Variants in FAM3C observed in about 807,000 individuals in gnomAD.
FAM3C encodes protein FAM3C.
FAM3C carries 15 observed loss-of-function variants against 32.5 expected under a neutral mutation model. The ratio of observed to expected loss-of-function variants is 0.46; its 90% CI spans 0.31 to 0.71. The LOEUF (loss-of-function observed/expected upper bound fraction) is 0.71. Among genes scored for constraint, FAM3C ranks in the 30% least tolerant of loss-of-function variants. FAM3C has a pLI of 0.05. For missense variants in FAM3C, 175 were observed against 274.4 expected (o/e 0.64, Z 2.56); for synonymous variants, 75 against 86.1 (o/e 0.87, Z 0.72).
intron 1 of FAM3C, among the ~76,000 whole-genome samples, chr7:121,386,226 C>G (rs1255012148): frequency 6.6e-6 from 1 of 152,092 alleles, no homozygotes; most frequent in Non-Finnish European, 1.5e-5. Flanking sequence ...TATTAACAAA[C>G]AGCACTTAAT....
At chr7:121,369,272 C>T (rs958570214) in intron 5 of FAM3C, among the ~76,000 whole-genome samples, 1 of 152,118 alleles carries the variant, frequency 6.6e-6, no homozygotes, top group Non-Finnish European at 1.5e-5. Flanking sequence ...TGAGCCACCA[C>T]GCCCAGCCTG....
At chr7:121,359,456 C>A (rs564737746) in intron 8 of FAM3C, among the ~76,000 whole-genome samples, 1 of 151,936 alleles carries the variant, frequency 6.6e-6, no homozygotes, top group South Asian at 2.1e-4. Context: ...ATATTTAATG[C>A]CAAAAAATGT....
At chr7:121,371,153 A>G (rs1794136474) in intron 5 of FAM3C, 147 bp downstream of exon 5, 2 of 934,472 alleles carry the variant, frequency 2.1e-6, no homozygotes, top group South Asian at 3.4e-5. Flanking sequence ...CCTTGAATTC[A>G]TGAGAAAAAA....
Position 121,360,114 on chromosome 7 carries a change from A to G in FAM3C, c.396T>C (p.Phe132=). The change falls in exon 8 of 10, where the codon TTT becomes TTC. Residue 132 remains phenylalanine (F), a synonymous_variant. Coordinates refer to ENST00000359943, the MANE Select transcript of FAM3C (RefSeq NM_014888.3). ...FDMWGGDVAP[F]IEFLKAIQDG... ...CTTGTATGGCCTTCAGAAACTCAATAAATGGTGCCACATCTGAAGAAAAAG... is the reference window on the plus strand; with the variant it reads ...CTTGTATGGCCTTCAGAAACTCAATGAATGGTGCCACATCTGAAGAAAAAG... 1.3e-6 allele frequency: 2 copies of G among 1,590,414 alleles called. No individual in the cohort carries two copies.
intron 8 of FAM3C, among the ~76,000 whole-genome samples, chr7:121,354,838 A>G (rs1215106453): frequency 6.6e-6 from 1 of 152,224 alleles, no homozygotes; most frequent in Non-Finnish European, 1.5e-5. Context: ...GAAAAACTCT[A>G]TAATTTTCAC....
intron 7 of FAM3C, 69 bp from the exon 8 acceptor site, chr7:121,360,196 T>C (rs553208299): frequency 2.5e-6 from 2 of 815,370 alleles, no homozygotes; most frequent in South Asian, 1.4e-5. Context: ...TCTCTGAAAG[T>C]AGTATTATAA....
At chr7:121,391,016 G>A (rs1794568928) in intron 1 of FAM3C, among the ~76,000 whole-genome samples, 1 of 152,126 alleles carries the variant, frequency 6.6e-6, no homozygotes, top group African/African-American at 2.4e-5. Flanking sequence ...AAAATGTGGT[G>A]AGGAATAAAT....
chr7:121,377,036 C>T (rs1438841906), intron 3 of FAM3C, among the ~76,000 whole-genome samples: 2 of 151,970 alleles, frequency 1.3e-5, no homozygotes, highest in Admixed American at 6.6e-5. Flanking sequence ...AAATGTAGTC[C>T]CATAATCCCT....
chr7:121,395,270 GATAC>G (rs565268708), intron 1 of FAM3C, among the ~76,000 whole-genome samples: 2 of 137,070 alleles, frequency 1.5e-5, no homozygotes, highest in Admixed American at 1.4e-4. Flanking sequence ...CATATATATG[GATAC>G]ATACATATAT....
rs1460566441 is a variant in FAM3C at position 121,348,990 on chromosome 7, A to G, written c.*1471T>C. ...AAGTATTTTAAATGTCAAAATACAC[A>G]TGCTGAATGTGATTTAGCATATAAG... On this transcript the variant is annotated 3_prime_UTR_variant, in exon 10 of 10. Transcript: ENST00000359943. 1 of 152,370 alleles carries G rather than the reference A, an allele frequency of 6.6e-6. No homozygotes were observed. Among genetic ancestry groups the G allele is most frequent in the Non-Finnish European group, 1.5e-5 (1 of 67,930 alleles). The allele number at this position is 152,370 out of a possible 1,614,324, so 9.4% of individuals were successfully genotyped here.
intron 5 of FAM3C, among the ~76,000 whole-genome samples, chr7:121,365,680 A>G (rs900673149): frequency 1.3e-5 from 2 of 152,174 alleles, no homozygotes; most frequent in Non-Finnish European, 1.5e-5. Flanking sequence ...ATTATAATAA[A>G]TGAAAATAGT....
intron 2 of FAM3C, among the ~76,000 whole-genome samples, chr7:121,382,544 T>C (rs1794378532): frequency 7.8e-6 from 1 of 128,272 alleles, no homozygotes; most frequent in Non-Finnish European, 1.6e-5. Flanking sequence ...ATATACAGTC[T>C]TTAGGTTTTT....
At chr7:121,377,286 CT>C (rs1794258362) in intron 3 of FAM3C, among the ~76,000 whole-genome samples, 1 of 152,136 alleles carries the variant, frequency 6.6e-6, no homozygotes, top group Non-Finnish European at 1.5e-5. Flanking sequence ...AATTAAACCT[CT>C]TTCTTTTATA....
rs559339642 is a variant in FAM3C at position 121,396,082 on chromosome 7, G to A, written c.-42+80C>T. The A allele has an allele frequency of 4.8e-3, 734 of 152,042 alleles. 7 individuals are homozygous for A. Among genetic ancestry groups the A allele is most frequent in the Middle Eastern group, 0.024 (7 of 294 alleles). 9.4% of individuals were successfully genotyped at this position (152,042 alleles called of 1,614,324 possible). ...CAGTGCGCGGAGGCTGAAGTCGTAGGTGGGCGTCTGGCTTCCCCGGCCTCC... is the reference window on the plus strand; with the variant it reads ...CAGTGCGCGGAGGCTGAAGTCGTAGATGGGCGTCTGGCTTCCCCGGCCTCC... On this transcript the variant is annotated intron_variant, in intron 1 of 9. Transcript: ENST00000359943.
At chr7:121,368,300 T>C (rs1794064798) in intron 5 of FAM3C, among the ~76,000 whole-genome samples, 1 of 152,102 alleles carries the variant, frequency 6.6e-6, no homozygotes, top group African/African-American at 2.4e-5. Context: ...AACCCAAAAT[T>C]ACAATGTTCC....
intron 4 of FAM3C, 60 bp from the exon 5 acceptor site, chr7:121,371,483 CT>C: frequency 6.5e-7 from 1 of 1,547,122 alleles, no homozygotes; most frequent in Non-Finnish European, 8.9e-7. Flanking sequence ...CTTTACCTCA[CT>C]TTACTTCAAA....
intron 8 of FAM3C, among the ~76,000 whole-genome samples, chr7:121,354,860 T>C (rs1342760276): frequency 6.6e-6 from 1 of 152,154 alleles, no homozygotes; most frequent in Non-Finnish European, 1.5e-5. Flanking sequence ...ATATAATTGC[T>C]AACACTTCCA....
At chr7:121,395,976 G>C (rs1794686400) in intron 1 of FAM3C, among the ~76,000 whole-genome samples, 186 bp downstream of exon 1, 1 of 151,272 alleles carries the variant, frequency 6.6e-6, no homozygotes, top group Non-Finnish European at 1.5e-5. Context: ...CGGGACCCCA[G>C]TCCCGCCTGC....
At chr7:121,382,873 ATTAT>A in intron 2 of FAM3C, 80 bp downstream of exon 2, 2 of 1,026,320 alleles carry the variant, frequency 1.9e-6, no homozygotes, top group South Asian at 1.5e-5. Context: ...CAATATAAAG[ATTAT>A]TTAACCTCTC....
Sources: allele counts gnomAD v4.1 joint callset (sites outside exome capture counted in the v4.1 genomes callset), GRCh38; gene constraint gnomAD v4.1.1; transcripts MANE v1.5; gene names NCBI Gene and HGNC (gene_info 2026-07-23, HGNC 2026-07-21).